The following CCSER1 variants were observed in gnomAD, a reference collection of about 807,000 sequenced individuals.
CCSER1 encodes the protein coiled-coil serine rich protein 1, also known as serine-rich coiled-coil domain-containing protein 1.
CCSER1 carries 41 observed loss-of-function variants against 82.0 expected under a neutral mutation model. That is an observed-to-expected ratio of 0.50 (90% CI 0.39 to 0.65). CCSER1 has a LOEUF of 0.65. Among genes scored for constraint, CCSER1 ranks in the 30% least tolerant of loss-of-function variants. The probability of loss-of-function intolerance (pLI) is 0.00; values close to 1 mark genes in which losing one functional copy is unlikely to be tolerated. For synonymous variants in CCSER1, 414 were observed against 383.9 expected (o/e 1.08, Z -0.92); for missense variants, 1,119 against 1,064.2 (o/e 1.05, Z -0.72).
At chr4:91,117,172 G>T (rs1290890989) in intron 10 of CCSER1, among the ~76,000 whole-genome samples, 1 of 152,176 alleles carries the variant, frequency 6.6e-6, no homozygotes, top group African/African-American at 2.4e-5. Context: ...ATTCATTACA[G>T]CAACATCCAT....
chr4:90,975,389 C>T (rs551804049), intron 9 of CCSER1, among the ~76,000 whole-genome samples: 1 of 151,190 alleles, frequency 6.6e-6, no homozygotes, highest in African/African-American at 2.4e-5. Context: ...CTATGCTAAC[C>T]ATTTTACTAT....
intron 10 of CCSER1, among the ~76,000 whole-genome samples, chr4:91,415,929 T>C (rs75098060): frequency 0.05 from 7,561 of 151,896 alleles, 610 homozygotes; most frequent in African/African-American, 0.17. Context: ...AACTGCATCA[T>C]CAGGAGTCCC....
At chr4:91,585,561 G>A (rs1763947925) in intron 10 of CCSER1, among the ~76,000 whole-genome samples, 1 of 151,448 alleles carries the variant, frequency 6.6e-6, no homozygotes, top group South Asian at 2.1e-4. Flanking sequence ...GAATGTATAG[G>A]TTGTGTTTGC....
chr4:90,397,634 CCAGA>C (rs1283120290), intron 3 of CCSER1, among the ~76,000 whole-genome samples: 2 of 152,114 alleles, frequency 1.3e-5, no homozygotes, highest in African/African-American at 2.4e-5. Context: ...GTATGTATCA[CCAGA>C]CAGAGACTTT....
At chr4:91,297,367 G>T (rs1435762386) in intron 10 of CCSER1, among the ~76,000 whole-genome samples, 3 of 95,080 alleles carry the variant, frequency 3.2e-5, no homozygotes, top group African/African-American at 8.7e-5. Context: ...ATGGATGCTT[G>T]TGTGTGTGTG....
chr4:90,252,259 T>C (rs1722531232), intron 1 of CCSER1, among the ~76,000 whole-genome samples: 1 of 151,942 alleles, frequency 6.6e-6, no homozygotes, highest in African/African-American at 2.4e-5. Context: ...AACTTTCAGA[T>C]TCTGGAGCAT....
At chr4:90,839,581 G>T (rs1762299956) in intron 8 of CCSER1, among the ~76,000 whole-genome samples, 1 of 152,180 alleles carries the variant, frequency 6.6e-6, no homozygotes, top group Non-Finnish European at 1.5e-5. Context: ...CCTAAGCCCT[G>T]CTTTAAGTGT....
intron 3 of CCSER1, among the ~76,000 whole-genome samples, chr4:90,325,921 C>T (rs1579195840): frequency 1.3e-5 from 2 of 152,054 alleles, no homozygotes; most frequent in South Asian, 4.1e-4. Flanking sequence ...TATATTCATA[C>T]TCTTTTTAAG....
chr4:91,358,281 G>C (rs1418962881), intron 10 of CCSER1, among the ~76,000 whole-genome samples: 1 of 151,254 alleles, frequency 6.6e-6, no homozygotes, highest in Non-Finnish European at 1.5e-5. Flanking sequence ...GTTACCTTGT[G>C]CCATACCTTT....
intron 4 of CCSER1, among the ~76,000 whole-genome samples, chr4:90,402,986 G>A (rs1168598686): frequency 1.3e-5 from 2 of 152,172 alleles, no homozygotes; most frequent in African/African-American, 4.8e-5. Context: ...TTGCATACAT[G>A]AAGTGCAATT....
chr4:91,581,364 T>C (rs1016699583), intron 10 of CCSER1, among the ~76,000 whole-genome samples: 6 of 151,708 alleles, frequency 4.0e-5, no homozygotes, highest in Non-Finnish European at 5.9e-5. Context: ...AAGGGCAGCA[T>C]TAGTTGATCA....
At chr4:90,139,977 TAAAAGTATGAAAATGA>T (rs1724441208) in intron 1 of CCSER1, among the ~76,000 whole-genome samples, 1 of 151,738 alleles carries the variant, frequency 6.6e-6, no homozygotes, top group South Asian at 2.1e-4. Flanking sequence ...AAGAAGTAAA[TAAAAGTATGAAAATGA>T]AAAATGAATA....
Position 90,970,950 on chromosome 4 carries a change from T to C in CCSER1, c.2172+47503T>C, listed in dbSNP as rs113185081. On this transcript the variant is annotated intron_variant, in intron 9 of 10. Transcript: ENST00000509176. ...CTAAAAGAAATTTTATATCAATAAATGCCCATGTTAAGAGAAAAAGGCCTC... is the reference window on the plus strand; with the variant it reads ...CTAAAAGAAATTTTATATCAATAAACGCCCATGTTAAGAGAAAAAGGCCTC... Among the ~76,000 whole-genome samples, 561 of 151,872 alleles carry C rather than the reference T, an allele frequency of 3.7e-3. 9 individuals are homozygous for C. The highest frequency in any genetic ancestry group is 0.013 in the African/African-American group (540 of 41,378).
At chr4:90,753,809 T>G (rs1383769062) in intron 7 of CCSER1, among the ~76,000 whole-genome samples, 1 of 152,180 alleles carries the variant, frequency 6.6e-6, no homozygotes, top group Non-Finnish European at 1.5e-5. Flanking sequence ...CCATGGCAGC[T>G]TTTCCAATCT....
At chr4:90,421,231 A>G (rs1026532648) in intron 4 of CCSER1, among the ~76,000 whole-genome samples, 1 of 152,202 alleles carries the variant, frequency 6.6e-6, no homozygotes, top group Non-Finnish European at 1.5e-5. Flanking sequence ...TCATCAGGTC[A>G]TATGATAGCA....
chr4:90,685,366 T>C (rs17183003), intron 6 of CCSER1, among the ~76,000 whole-genome samples: 69,825 of 151,902 alleles, frequency 0.46, 16,452 homozygotes, highest in Middle Eastern at 0.58. Flanking sequence ...CCCTGGTAGA[T>C]TTTTCAGAAT....
intron 5 of CCSER1, among the ~76,000 whole-genome samples, chr4:90,570,533 G>A (rs181472131): frequency 6.6e-6 from 1 of 152,226 alleles, no homozygotes; most frequent in Admixed American, 6.5e-5. Flanking sequence ...ACAGGGGACT[G>A]ATGGTCCCCT....
At chr4:91,298,317 G>A (rs1744381383) in intron 10 of CCSER1, among the ~76,000 whole-genome samples, 1 of 151,992 alleles carries the variant, frequency 6.6e-6, no homozygotes, top group African/African-American at 2.4e-5. Context: ...GCAGTTGCTG[G>A]AAGCTGCAGA....
intron 10 of CCSER1, among the ~76,000 whole-genome samples, chr4:91,437,099 C>T (rs920996403): frequency 1.2e-4 from 19 of 152,160 alleles, no homozygotes; most frequent in Non-Finnish European, 2.2e-4. Context: ...GCTTAGTGTC[C>T]TTGCCTTTGC....
Sources: gnomAD v4.1 joint callset for allele counts (sites outside exome capture counted in the v4.1 genomes callset) on GRCh38, gnomAD v4.1.1 for gene constraint, MANE v1.5 for transcripts, NCBI Gene and HGNC (gene_info 2026-07-23, HGNC 2026-07-21) for gene names.